HIPK3: variants seen among roughly 807,000 people sequenced by gnomAD.
HIPK3 encodes homeodomain interacting protein kinase 3.
A neutral mutation model predicts 124.2 loss-of-function variants in HIPK3; 47 were observed. That is an observed-to-expected ratio of 0.38 (90% CI 0.30 to 0.48). HIPK3 has a LOEUF of 0.48. Ranked by LOEUF, HIPK3 falls within the 20% of genes least tolerant of loss-of-function variation. The pLI, the probability that HIPK3 is intolerant of heterozygous loss-of-function variation, is 0.98. For synonymous variants in HIPK3, 482 were observed against 515.2 expected (o/e 0.94, Z 0.87); for missense variants, 1,286 against 1,454.3 (o/e 0.88, Z 1.88).
chr11:33,265,554 G>A (rs764190035), intron 1 of HIPK3, among the ~76,000 whole-genome samples: 15 of 144,206 alleles, frequency 1.0e-4, no homozygotes, highest in Non-Finnish European at 2.0e-4. Flanking sequence ...TGTGTGGATC[G>A]CTTGAGCACA....
intron 14 of HIPK3, among the ~76,000 whole-genome samples, chr11:33,349,796 T>C (rs903783185): frequency 2.0e-5 from 3 of 152,040 alleles, no homozygotes; most frequent in African/African-American, 7.2e-5. Context: ...AGATGAAGTG[T>C]GGCTCTGTCA....
intron 3 of HIPK3, chr11:33,335,517 C>A (rs900005814): frequency 2.0e-5 from 3 of 152,072 alleles, no homozygotes; most frequent in Admixed American, 2.0e-4. Flanking sequence ...TATCTTAATA[C>A]CATATCATGA....
rs772244370 is a variant in HIPK3 at position 33,339,464 on chromosome 11, A to G, written c.1543A>G (p.Thr515Ala). The change falls in exon 6 of 17, where the codon ACT (threonine) becomes GCT (alanine). Residue 515 changes from threonine to alanine, a missense_variant. Thr to Ala is a moderately conservative substitution (Grantham distance 58). Around this residue, in one of 3 missense-constraint regions of HIPK3, gnomAD observed 810 missense variants for 864.9 expected, o/e 0.94. Transcript: ENST00000303296. ...GCTGATTGATGCAGATTTAAGAATT[A>G]CTCCAGCTGAGACCCTGAACCATCC... ...MLLIDADLRI[T>A]PAETLNHPFV... 5 of 1,613,218 alleles carry G rather than the reference A, an allele frequency of 3.1e-6. No individual in the cohort carries two copies.
chr11:33,263,391 C>G (rs1234378663), intron 1 of HIPK3, among the ~76,000 whole-genome samples: 3 of 152,198 alleles, frequency 2.0e-5, no homozygotes, highest in Non-Finnish European at 4.4e-5. Context: ...TCTTGGCTCA[C>G]TACAACCTCC....
chr11:33,355,971 A>G lies in HIPK3; in HGVS notation c.*2403A>G, dbSNP rs981902854. ...TCCACAGCCTTCTAATTTTATTTAT[A>G]TGTTCCAGCAGATTATTAGGATCTG... On this transcript the variant is annotated 3_prime_UTR_variant, in exon 17 of 17. Coordinates refer to ENST00000303296, the MANE Select transcript of HIPK3 (RefSeq NM_005734.5). 2 of 152,016 alleles carry G rather than the reference A, an allele frequency of 1.3e-5. No homozygotes were observed. The highest frequency in any genetic ancestry group is 2.9e-5 in the Non-Finnish European group (2 of 67,888). 9.4% of individuals were successfully genotyped at this position (152,016 alleles called of 1,614,324 possible).
Position 33,339,505 on chromosome 11 carries a change from A to G in HIPK3, c.1584A>G (p.Lys528=), listed in dbSNP as rs1366851313. 6.2e-7 allele frequency: 1 copy of G among 1,606,614 alleles called. No homozygotes were observed. The highest frequency in any genetic ancestry group is 1.3e-5 in the African/African-American group (1 of 74,954). The change falls in exon 6 of 17, where the codon AAA becomes AAG. Residue 528 remains lysine, a synonymous_variant. Coordinates refer to ENST00000303296, the MANE Select transcript of HIPK3 (RefSeq NM_005734.5). ...TGAACCATCCTTTTGTTAATATGAA[A>G]CATCTTCTAGATTTCCCTCATAGCA... The part of the protein sequence containing the change: ...ETLNHPFVNM[K]HLLDFPHSNH...
chr11:33,262,977 T>G (rs1850865016), intron 1 of HIPK3, among the ~76,000 whole-genome samples: 1 of 152,102 alleles, frequency 6.6e-6, no homozygotes, highest in Non-Finnish European at 1.5e-5. Context: ...CGCCACCATG[T>G]CTGCTAACTT....
intron 6 of HIPK3, among the ~76,000 whole-genome samples, chr11:33,340,522 T>C (rs1460589912): frequency 6.6e-6 from 1 of 152,244 alleles, no homozygotes; most frequent in Non-Finnish European, 1.5e-5. Flanking sequence ...TTGTGAATTG[T>C]TCTTAAAAAT....
intron 2 of HIPK3, among the ~76,000 whole-genome samples, chr11:33,314,370 A>G (rs924372175): frequency 1.2e-4 from 18 of 151,950 alleles, no homozygotes; most frequent in Non-Finnish European, 5.9e-5. Context: ...ATCTGACTCT[A>G]GGCTGGGGAG....
intron 2 of HIPK3, among the ~76,000 whole-genome samples, chr11:33,312,318 A>C (rs1852374064): frequency 6.6e-6 from 1 of 152,188 alleles, no homozygotes. Flanking sequence ...TGGTTTTGAT[A>C]GGAAATTATG....
At chr11:33,297,000 A>C (rs987883373) in intron 2 of HIPK3, among the ~76,000 whole-genome samples, 3 of 152,232 alleles carry the variant, frequency 2.0e-5, no homozygotes, top group Admixed American at 2.0e-4. Flanking sequence ...GGCGAATACA[A>C]AGGAAAAGTT....
chr11:33,323,595 G>A (rs1852728333), intron 2 of HIPK3, among the ~76,000 whole-genome samples: 1 of 152,216 alleles, frequency 6.6e-6, no homozygotes, highest in Non-Finnish European at 1.5e-5. Context: ...GAGACAGAAA[G>A]TGGATTTGTG....
At chr11:33,269,617 C>G (rs1020778519) in intron 1 of HIPK3, among the ~76,000 whole-genome samples, 12 of 151,672 alleles carry the variant, frequency 7.9e-5, no homozygotes, top group African/African-American at 2.9e-4. Flanking sequence ...CTAGGGTCCT[C>G]TGTTTCTTTT....
At chr11:33,304,071 G>T (rs1479883033) in intron 2 of HIPK3, among the ~76,000 whole-genome samples, 3 of 152,068 alleles carry the variant, frequency 2.0e-5, no homozygotes, top group East Asian at 1.9e-4. Flanking sequence ...CTCCCAAGTA[G>T]CTGGGACTAC....
At chr11:33,320,296 G>A (rs1852626183) in intron 2 of HIPK3, among the ~76,000 whole-genome samples, 1 of 152,188 alleles carries the variant, frequency 6.6e-6, no homozygotes, top group South Asian at 2.1e-4. Flanking sequence ...AGAATAGATG[G>A]CAGAGGGTAA....
At chr11:33,299,427 A>T (rs975911267) in intron 2 of HIPK3, among the ~76,000 whole-genome samples, 1 of 151,772 alleles carries the variant, frequency 6.6e-6, no homozygotes, top group Admixed American at 6.6e-5. Flanking sequence ...AGCCGAGATC[A>T]TGCCACTGCA....
Position 33,349,138 on chromosome 11 carries a change from T to C in HIPK3, c.2667-9T>C. ...TTGACTCATGTTTTTCCCTTTTCTC[T>C]TCCACTAGATGTAAAGGTAGTCTAG... On this transcript the variant is annotated splice_polypyrimidine_tract_variant and intron_variant, in intron 13 of 16. Coordinates refer to ENST00000303296, the MANE Select transcript of HIPK3 (RefSeq NM_005734.5). The C allele has an allele frequency of 6.2e-7, 1 of 1,608,428 alleles. No individual in the cohort carries two copies. The highest frequency in any genetic ancestry group is 8.5e-7 in the Non-Finnish European group (1 of 1,177,586).
intron 11 of HIPK3, 37 bp downstream of exon 11, chr11:33,348,050 A>G: frequency 2.5e-6 from 4 of 1,612,526 alleles, no homozygotes; most frequent in Non-Finnish European, 3.4e-6. Flanking sequence ...CTGCATTTTG[A>G]GAATCTTTTA....
chr11:33,338,905 G>A, intron 5 of HIPK3, 62 bp downstream of exon 5: 1 of 1,179,578 alleles, frequency 8.5e-7, no homozygotes, highest in Non-Finnish European at 1.2e-6. Context: ...GAATGCCAAG[G>A]GGCCCAAAAC....
Sources: allele counts gnomAD v4.1 joint callset (sites outside exome capture counted in the v4.1 genomes callset), GRCh38; gene constraint gnomAD v4.1.1; regional missense constraint gnomAD v4.1.1; transcripts MANE v1.5; gene names NCBI Gene and HGNC (gene_info 2026-07-23, HGNC 2026-07-21).